Variants in MGAT5 observed in about 807,000 individuals in gnomAD.
MGAT5 encodes the protein alpha-1,6-mannosylglycoprotein 6-beta-N-acetylglucosaminyltransferase A.
A neutral mutation model predicts 94.3 loss-of-function variants in MGAT5; 30 were observed. The ratio of observed to expected loss-of-function variants is 0.32; its 90% CI spans 0.24 to 0.43. The LOEUF (loss-of-function observed/expected upper bound fraction) is 0.43. MGAT5 is among the 20% of genes least tolerant of loss of function. The pLI is 1.00. For synonymous variants in MGAT5, 310 were observed against 322.9 expected, an observed-to-expected ratio of 0.96 and a Z score of 0.43; for missense variants, 691 against 905.5, an observed-to-expected ratio of 0.76 and a Z score of 3.04.
intron 1 of MGAT5, among the ~76,000 whole-genome samples, chr2:134,175,872 G>A (rs1454755028): frequency 6.6e-6 from 1 of 152,178 alleles, no homozygotes; most frequent in African/African-American, 2.4e-5. Context: ...GCAGGTGGAG[G>A]TGCTTCCTCA....
intron 14 of MGAT5, among the ~76,000 whole-genome samples, chr2:134,440,376 T>G (rs1685416797): frequency 6.6e-6 from 1 of 152,222 alleles, no homozygotes; most frequent in Non-Finnish European, 1.5e-5. Context: ...AGTCAGCCCA[T>G]TCTCCCTGTG....
At chr2:134,303,993 T>C (rs72978141) in intron 2 of MGAT5, among the ~76,000 whole-genome samples, 2,650 of 152,290 alleles carry the variant, frequency 0.017, 88 homozygotes, top group African/African-American at 0.06. Context: ...CCTCACTCTT[T>C]AGTGTCATAT....
At chr2:134,158,379 T>G (rs1687577311) in intron 1 of MGAT5, among the ~76,000 whole-genome samples, 1 of 152,290 alleles carries the variant, frequency 6.6e-6, no homozygotes, top group East Asian at 1.9e-4. Context: ...GCCCAAAGTC[T>G]GGAGGGGTGG....
intron 15 of MGAT5, among the ~76,000 whole-genome samples, chr2:134,443,689 A>C (rs771946512): frequency 6.6e-6 from 1 of 152,224 alleles, no homozygotes; most frequent in Non-Finnish European, 1.5e-5. Context: ...GGAAGTTTCC[A>C]GTTCCACAGC....
chr2:134,398,421 A>C (rs1051724774), intron 10 of MGAT5, among the ~76,000 whole-genome samples: 9 of 152,188 alleles, frequency 5.9e-5, no homozygotes, highest in Non-Finnish European at 1.2e-4. Context: ...TGGAGGAGCC[A>C]ACTTTGGGCT....
intron 10 of MGAT5, among the ~76,000 whole-genome samples, chr2:134,389,779 G>A (rs1682284246): frequency 6.6e-6 from 1 of 152,192 alleles, no homozygotes; most frequent in South Asian, 2.1e-4. Context: ...AAACTATGTG[G>A]TCCTGAGTTC....
intron 1 of MGAT5, among the ~76,000 whole-genome samples, chr2:134,130,941 A>G (rs1450160281): frequency 6.6e-6 from 1 of 152,254 alleles, no homozygotes; most frequent in Admixed American, 6.5e-5. Flanking sequence ...AAATGGGCCA[A>G]TCAGCAGGAT....
rs145183919 is a variant in MGAT5, at chr2:134,406,606, G to A, written c.1530+3469G>A. Among the ~76,000 whole-genome samples the A allele has an allele frequency of 1.0e-3, 155 of 152,222 alleles. 2 individuals carry two copies. The highest frequency in any genetic ancestry group is 0.01 in the East Asian group (52 of 5,182). ...CACAAAACCTGTCTAAGGCAGGTGC[G>A]GTGCAGTAGCTCACATCTGTAATCT... On this transcript the variant is annotated intron_variant, in intron 11 of 15. Coordinates refer to ENST00000281923, the MANE Select transcript of MGAT5 (RefSeq NM_002410.5).
chr2:134,301,130 T>G (rs1464416551), intron 2 of MGAT5, among the ~76,000 whole-genome samples: 1 of 152,164 alleles, frequency 6.6e-6, no homozygotes, highest in East Asian at 1.9e-4. Context: ...TGAACATTTT[T>G]GCAGAGTCCG....
At chr2:134,344,662 G>T (rs72978192) in intron 7 of MGAT5, among the ~76,000 whole-genome samples, 2 of 152,088 alleles carry the variant, frequency 1.3e-5, no homozygotes, top group Non-Finnish European at 2.9e-5. Context: ...GCTACATAGT[G>T]GTGATGGAGT....
chr2:134,445,421 G>A (rs1466834320), intron 15 of MGAT5, among the ~76,000 whole-genome samples: 1 of 151,304 alleles, frequency 6.6e-6, no homozygotes, highest in Non-Finnish European at 1.5e-5. Flanking sequence ...AGGGGGCTAA[G>A]GGAGGGAAGG....
chr2:134,140,228 G>GA (rs1056330725), intron 1 of MGAT5, among the ~76,000 whole-genome samples: 2 of 152,158 alleles, frequency 1.3e-5, no homozygotes, highest in Admixed American at 1.3e-4. Flanking sequence ...GGGAGAAAAA[G>GA]AAAAAAGAGA....
chr2:134,382,965 C>A (rs1447457358), intron 10 of MGAT5, among the ~76,000 whole-genome samples: 1 of 152,190 alleles, frequency 6.6e-6, no homozygotes, highest in Non-Finnish European at 1.5e-5. Flanking sequence ...AGAGCACGCA[C>A]TTCTATATAA....
rs185484880 is a variant in MGAT5 at position 134,247,900 on chromosome 2, A to G, written c.-142-6362A>G. On this transcript the variant is annotated intron_variant, in intron 1 of 16. Transcript: ENST00000409645. ...AGGTCTTATTTTCTGTGATCTTCTC[A>G]GCATAACAGTGACAATACAAGTGGC... is the stretch of plus-strand genomic sequence containing the variant. 2.0e-4 allele frequency among the ~76,000 whole-genome samples: 31 copies of G among 152,316 alleles called. No homozygotes were observed. The East Asian group carries it at 5.4e-3, about 27-fold the overall frequency.
intron 1 of MGAT5, among the ~76,000 whole-genome samples, chr2:134,222,646 A>G (rs1201175002): frequency 1.3e-5 from 2 of 152,256 alleles, no homozygotes; most frequent in South Asian, 4.1e-4. Flanking sequence ...ATTGCACCAT[A>G]TACTAGTATT....
chr2:134,415,585 T>C (rs1013181763), intron 12 of MGAT5, among the ~76,000 whole-genome samples: 3 of 152,234 alleles, frequency 2.0e-5, no homozygotes, highest in African/African-American at 7.2e-5. Flanking sequence ...TTTCACTCTA[T>C]TGATTGTTTC....
At chr2:134,215,659 G>A (rs1680456797) in intron 1 of MGAT5, among the ~76,000 whole-genome samples, 1 of 152,178 alleles carries the variant, frequency 6.6e-6, no homozygotes, top group African/African-American at 2.4e-5. Flanking sequence ...CATTGCAACT[G>A]AAGTCAGCTA....
chr2:134,220,877 A>G (rs763312699), intron 1 of MGAT5, among the ~76,000 whole-genome samples: 2 of 152,098 alleles, frequency 1.3e-5, no homozygotes, highest in Non-Finnish European at 2.9e-5. Flanking sequence ...GATTCTGCCA[A>G]ATCTCTTTCG....
intron 1 of MGAT5, among the ~76,000 whole-genome samples, chr2:134,216,346 T>A (rs1438662356): frequency 1.3e-5 from 2 of 152,204 alleles, no homozygotes; most frequent in African/African-American, 4.8e-5. Flanking sequence ...CGAACTTGAT[T>A]TTCAGGTTTT....
Sources: allele counts gnomAD v4.1 joint callset (sites outside exome capture counted in the v4.1 genomes callset), GRCh38; gene constraint gnomAD v4.1.1; transcripts MANE v1.5; gene names NCBI Gene and HGNC (gene_info 2026-07-23, HGNC 2026-07-21).